The following ARHGAP24 variants were observed in gnomAD, a reference collection of about 807,000 sequenced individuals.
ARHGAP24 encodes the protein Rho GTPase activating protein 24, also known as rho GTPase-activating protein 24.
ARHGAP24 carries 50 observed loss-of-function variants against 76.4 expected under a neutral mutation model. The ratio of observed to expected loss-of-function variants is 0.65; its 90% CI spans 0.52 to 0.83. ARHGAP24 has a LOEUF of 0.83. Among genes scored for constraint, ARHGAP24 ranks in the 40% least tolerant of loss-of-function variants. ARHGAP24 has a pLI of 0.00. For synonymous variants in ARHGAP24, 345 were observed against 323.3 expected (o/e 1.07, Z -0.72); for missense variants, 930 against 914.2 (o/e 1.02, Z -0.22).
intron 3 of ARHGAP24, among the ~76,000 whole-genome samples, chr4:85,818,547 A>G (rs1470043454): frequency 6.6e-6 from 1 of 152,188 alleles, no homozygotes; most frequent in Non-Finnish European, 1.5e-5. Context: ...ATTTGAGACC[A>G]TGTAAATTAG....
chr4:85,908,117 T>C (rs1734871935), intron 3 of ARHGAP24, among the ~76,000 whole-genome samples: 1 of 152,192 alleles, frequency 6.6e-6, no homozygotes, highest in Non-Finnish European at 1.5e-5. Context: ...TCTCCCCATC[T>C]ACACCACCAT....
chr4:85,795,874 C>CACTCATTCACACATGCTCAACTTG (rs1728320191), intron 3 of ARHGAP24, among the ~76,000 whole-genome samples: 1 of 152,142 alleles, frequency 6.6e-6, no homozygotes, highest in Non-Finnish European at 1.5e-5. Flanking sequence ...AATCTTCCCT[C>CACTCATTCACACATGCTCAACTTG]ACTCATTCAC....
At chr4:85,844,741 G>T (rs576973821) in intron 3 of ARHGAP24, among the ~76,000 whole-genome samples, 1 of 152,288 alleles carries the variant, frequency 6.6e-6, no homozygotes, top group South Asian at 2.1e-4. Flanking sequence ...ATTTGTATTG[G>T]TATAATGAAA....
chr4:85,894,972 AAAAAAAAAAAAAAAAACAAAACAAAAAGC>A (rs1734067195), intron 3 of ARHGAP24, among the ~76,000 whole-genome samples: 1 of 38,950 alleles, frequency 2.6e-5, no homozygotes, highest in African/African-American at 1.2e-4. Flanking sequence ...AAAAAAAAAA[AAAAAAAAAAAAAAAAACAAAACAAAAAGC>A]AAAAAAAAAA....
intron 1 of ARHGAP24, among the ~76,000 whole-genome samples, chr4:85,500,994 GT>G (rs756108702): frequency 8.6e-5 from 13 of 151,946 alleles, no homozygotes; most frequent in Non-Finnish European, 1.6e-4. Flanking sequence ...CTTTGTGATA[GT>G]TTGCTCAGAA....
chr4:85,539,284 A>G (rs11945019), intron 1 of ARHGAP24, among the ~76,000 whole-genome samples: 17,252 of 152,138 alleles, frequency 0.11, 3,128 homozygotes, highest in African/African-American at 0.38. Context: ...AGTCTTTACT[A>G]GAGAAATAAA....
chr4:85,994,127 A>AGG (rs1287360097), intron 8 of ARHGAP24, among the ~76,000 whole-genome samples: 1 of 152,202 alleles, frequency 6.6e-6, no homozygotes, highest in African/African-American at 2.4e-5. Context: ...ATATCTTGAT[A>AGG]GTTTGAGGCA....
At chr4:85,483,289 A>T (rs998181132) in intron 1 of ARHGAP24, among the ~76,000 whole-genome samples, 2 of 152,156 alleles carry the variant, frequency 1.3e-5, no homozygotes, top group African/African-American at 4.8e-5. Flanking sequence ...TGAATGAAAA[A>T]GAATAGAATA....
intron 3 of ARHGAP24, among the ~76,000 whole-genome samples, chr4:85,755,520 T>A (rs1213795560): frequency 6.6e-6 from 1 of 152,146 alleles, no homozygotes; most frequent in Non-Finnish European, 1.5e-5. Context: ...GTTTTCTTCC[T>A]TAATTTTATT....
intron 3 of ARHGAP24, among the ~76,000 whole-genome samples, chr4:85,724,423 T>TTG (rs1218150052): frequency 2.0e-5 from 3 of 150,892 alleles, no homozygotes; most frequent in African/African-American, 4.9e-5. Flanking sequence ...ACGTACACAT[T>TTG]TGTGTGTGTG....
chr4:85,767,672 A>G (rs910150139), intron 3 of ARHGAP24, among the ~76,000 whole-genome samples: 4 of 152,236 alleles, frequency 2.6e-5, no homozygotes, highest in South Asian at 2.1e-4. Flanking sequence ...AAAAGAAACA[A>G]TGTTTTAAAT....
chr4:85,847,817 G>C (rs985319227), intron 3 of ARHGAP24, among the ~76,000 whole-genome samples: 1 of 152,086 alleles, frequency 6.6e-6, no homozygotes, highest in Admixed American at 6.5e-5. Flanking sequence ...GGTATTTGGA[G>C]GGTAATGCTG....
At chr4:85,932,049 A>C (rs1461425112) in intron 4 of ARHGAP24, among the ~76,000 whole-genome samples, 2 of 152,100 alleles carry the variant, frequency 1.3e-5, no homozygotes, top group Non-Finnish European at 2.9e-5. Flanking sequence ...TTTTTAAGGA[A>C]ACCATTGTTC....
chr4:85,918,757 T>G (rs1364989931), intron 3 of ARHGAP24, among the ~76,000 whole-genome samples: 1 of 152,152 alleles, frequency 6.6e-6, no homozygotes, highest in Admixed American at 6.5e-5. Context: ...CTCAACAAAA[T>G]GTACAAATAC....
chr4:85,815,322 T>C (rs1729191127), intron 3 of ARHGAP24, among the ~76,000 whole-genome samples: 1 of 152,200 alleles, frequency 6.6e-6, no homozygotes, highest in Non-Finnish European at 1.5e-5. Flanking sequence ...TTCTTTTCTA[T>C]CACATTGTCA....
At chr4:85,859,118 C>G (rs1731740658) in intron 3 of ARHGAP24, among the ~76,000 whole-genome samples, 1 of 151,706 alleles carries the variant, frequency 6.6e-6, no homozygotes, top group Non-Finnish European at 1.5e-5. Context: ...GGGAAAAGGC[C>G]ATTAGGGAAA....
intron 3 of ARHGAP24, among the ~76,000 whole-genome samples, chr4:85,748,227 C>G (rs1277097414): frequency 6.6e-6 from 1 of 152,224 alleles, no homozygotes; most frequent in Non-Finnish European, 1.5e-5. Context: ...ACCACCTACT[C>G]CAAACAAATT....
chr4:85,669,730 G>A (rs1398281014), intron 2 of ARHGAP24, among the ~76,000 whole-genome samples: 3 of 140,462 alleles, frequency 2.1e-5, no homozygotes, highest in Non-Finnish European at 4.6e-5. Context: ...TCTATGTGAA[G>A]CATCAGAAGT....
intron 3 of ARHGAP24, among the ~76,000 whole-genome samples, chr4:85,733,993 T>G (rs1725511725): frequency 6.6e-6 from 1 of 152,146 alleles, no homozygotes; most frequent in Middle Eastern, 3.2e-3. Flanking sequence ...GGGGACAAAC[T>G]TTCCCTCATG....
Sources: gnomAD v4.1 joint callset for allele counts (sites outside exome capture counted in the v4.1 genomes callset) on GRCh38, gnomAD v4.1.1 for gene constraint, MANE v1.5 for transcripts, NCBI Gene and HGNC (gene_info 2026-07-23, HGNC 2026-07-21) for gene names.